Variants in VPS13C observed in about 807,000 individuals in gnomAD.
The protein encoded by VPS13C is vacuolar protein sorting 13 homolog C.
Under a neutral mutation model 456.8 loss-of-function variants are expected in VPS13C, and 358 were observed. The observed-to-expected ratio is 0.78, with a 90% confidence interval of 0.72 to 0.86. VPS13C has a LOEUF of 0.86. Among genes scored for constraint, VPS13C ranks in the 40% least tolerant of loss-of-function variants. The pLI is 0.00. For synonymous variants in VPS13C, 1,578 were observed against 1,486.7 expected, an observed-to-expected ratio of 1.06 and a Z score of -1.41; for missense variants, 4,818 against 4,385.4, an observed-to-expected ratio of 1.10 and a Z score of -2.79.
chr15:62,040,640 C>T (rs1054787649), intron 3 of VPS13C, among the ~76,000 whole-genome samples: 5 of 152,024 alleles, frequency 3.3e-5, no homozygotes, highest in South Asian at 2.1e-4. Context: ...ACACTGGAAA[C>T]GCAATCCCCA....
intron 1 of VPS13C, 129 bp from the exon 2 acceptor site, chr15:62,044,384 A>C (rs1352649041): frequency 1.9e-6 from 1 of 538,426 alleles, no homozygotes; most frequent in Non-Finnish European, 3.2e-6. Flanking sequence ...AAGGTGACTT[A>C]AGAGGCTACC....
At chr15:61,980,256 G>C (rs1243629643) in intron 22 of VPS13C, among the ~76,000 whole-genome samples, 2 of 145,436 alleles carry the variant, frequency 1.4e-5, no homozygotes, top group African/African-American at 5.1e-5. Context: ...ACCATCTTAA[G>C]GACAAATCAC....
chr15:61,963,878 A>T lies in VPS13C; in HGVS notation c.3288T>A (p.Ile1096=). 1 of 1,612,550 alleles carries T rather than the reference A, an allele frequency of 6.2e-7. No homozygotes were observed. Among genetic ancestry groups the T allele is most frequent in the Non-Finnish European group, 8.5e-7 (1 of 1,179,030 alleles). Residue 1096 remains isoleucine (I), a synonymous_variant, in exon 32 of 85, where the codon ATT becomes ATA. Transcript: ENST00000644861. ...CGATATTGTTCTTTTCGTTGCAAAC[A>T]ATGACACAGAAAGCATTCAACTTGG... ...LFAKLNAFCV[I]VCNEKNNIAE... is the part of the protein sequence containing the mutation.
At chr15:61,896,792 G>A (rs1477178454) in intron 66 of VPS13C, among the ~76,000 whole-genome samples, 1 of 152,152 alleles carries the variant, frequency 6.6e-6, no homozygotes, top group African/African-American at 2.4e-5. Context: ...CTCCACCTCT[G>A]GGGGCAGGGC....
At chr15:62,006,351 G>T (rs537567996) in intron 15 of VPS13C, among the ~76,000 whole-genome samples, 3 of 152,046 alleles carry the variant, frequency 2.0e-5, no homozygotes, top group South Asian at 4.2e-4. Flanking sequence ...GAGAATATGC[G>T]GTGTTTGGTT....
chr15:61,936,849 C>T, intron 47 of VPS13C, 99 bp from the exon 48 acceptor site: 1 of 1,242,672 alleles, frequency 8.0e-7, no homozygotes, highest in South Asian at 1.6e-5. Flanking sequence ...AATTGTTCAC[C>T]TACTTAAAAA....
chr15:61,892,820 C>G (rs1413923990), intron 66 of VPS13C, among the ~76,000 whole-genome samples: 1 of 152,072 alleles, frequency 6.6e-6, no homozygotes, highest in African/African-American at 2.4e-5. Context: ...AACAGAAATG[C>G]TGGAATGATG....
intron 8 of VPS13C, among the ~76,000 whole-genome samples, chr15:62,021,346 T>G (rs1292453669): frequency 6.6e-6 from 1 of 151,952 alleles, no homozygotes; most frequent in African/African-American, 2.4e-5. Flanking sequence ...CTTTAAGCCT[T>G]TAATGTTCTT....
chr15:62,050,416 A>G (rs1266605683), intron 1 of VPS13C, among the ~76,000 whole-genome samples: 1 of 152,242 alleles, frequency 6.6e-6, no homozygotes, highest in Admixed American at 6.5e-5. Context: ...ATTCTCATTA[A>G]TAAACTACAT....
intron 15 of VPS13C, 149 bp downstream of exon 15, chr15:62,007,159 A>G (rs546982018): frequency 1.4e-6 from 1 of 730,238 alleles, no homozygotes; most frequent in South Asian, 6.4e-5. Context: ...CTGGAAAAAA[A>G]AAATTCTGCA....
At chr15:61,913,558 G>A (rs2043367459) in intron 61 of VPS13C, 143 bp from the exon 62 acceptor site, 1 of 614,512 alleles carries the variant, frequency 1.6e-6, no homozygotes, top group South Asian at 2.5e-5. Context: ...TTGCAAACAG[G>A]TAACAGAACC....
At chr15:61,892,562 A>T (rs1420263062) in intron 66 of VPS13C, among the ~76,000 whole-genome samples, 1 of 152,170 alleles carries the variant, frequency 6.6e-6, no homozygotes, top group African/African-American at 2.4e-5. Flanking sequence ...GGAATAAATA[A>T]ATAATCCTTC....
Position 61,962,459 on chromosome 15 carries a change from G to C in VPS13C, c.3515C>G (p.Thr1172Ser). The part of the protein sequence containing the change: ...YPDATEGDLY[T>S]DMSKVDGVLS... ...CACACCATCCACTTTGGACATGTCA[G>C]TATACAAATCCCCCTCAGTAGCATC... is the stretch of plus-strand genomic sequence containing the variant. Residue 1172 changes from threonine (T) to serine (S), a missense_variant, in exon 34 of 85, where the codon ACT becomes AGT. Around this residue, in one of 3 missense-constraint regions of VPS13C, gnomAD observed 4,552 missense variants for 4,130.6 expected, o/e 1.10. Coordinates refer to ENST00000644861, the MANE Select transcript of VPS13C (RefSeq NM_020821.3). The C allele has an allele frequency of 6.2e-7, 1 of 1,612,084 alleles. No homozygotes were observed.
At chr15:62,020,807 T>G (rs553809717) in intron 8 of VPS13C, among the ~76,000 whole-genome samples, 1 of 151,986 alleles carries the variant, frequency 6.6e-6, no homozygotes, top group East Asian at 1.9e-4. Context: ...CTAACAAGAC[T>G]TCTCTCTAGA....
chr15:62,028,256 T>C, intron 6 of VPS13C, 102 bp downstream of exon 6: 1 of 1,276,006 alleles, frequency 7.8e-7, no homozygotes, highest in Non-Finnish European at 1.1e-6. Flanking sequence ...ATTTCCATAT[T>C]TTCTAAAAGG....
chr15:61,916,043 G>T, intron 60 of VPS13C, 21 bp from the exon 61 acceptor site: 3 of 1,530,922 alleles, frequency 2.0e-6, no homozygotes, highest in Non-Finnish European at 2.6e-6. Flanking sequence ...ACAAAAATTC[G>T]CTGAGTAACT....
chr15:62,054,623 G>A (rs534688612), intron 1 of VPS13C, among the ~76,000 whole-genome samples: 1 of 151,918 alleles, frequency 6.6e-6, no homozygotes, highest in African/African-American at 2.4e-5. Flanking sequence ...ATAATGCAGG[G>A]CTTAAAACCT....
At chr15:61,949,783 A>G (rs1357088399) in intron 41 of VPS13C, among the ~76,000 whole-genome samples, 178 bp from the exon 42 acceptor site, 2 of 152,184 alleles carry the variant, frequency 1.3e-5, no homozygotes, top group African/African-American at 4.8e-5. Flanking sequence ...CAGATAATAA[A>G]TCAACTCTCT....
intron 52 of VPS13C, among the ~76,000 whole-genome samples, chr15:61,926,243 T>A (rs1288723747): frequency 6.6e-6 from 1 of 152,016 alleles, no homozygotes; most frequent in Non-Finnish European, 1.5e-5. Context: ...CTACAAAAAA[T>A]TAATTAAAAA....
Sources: allele counts gnomAD v4.1 joint callset (sites outside exome capture counted in the v4.1 genomes callset), GRCh38; gene constraint gnomAD v4.1.1; regional missense constraint gnomAD v4.1.1; transcripts MANE v1.5; gene names NCBI Gene and HGNC (gene_info 2026-07-23, HGNC 2026-07-21).